The following EML6 variants were observed in gnomAD, a reference collection of about 807,000 sequenced individuals.
EML6 encodes the protein echinoderm microtubule-associated protein-like 6.
EML6 carries 154 observed loss-of-function variants against 240.1 expected under a neutral mutation model. The observed-to-expected ratio is 0.64, with a 90% CI of 0.56 to 0.73. The LOEUF is 0.73. Ranked by LOEUF, EML6 falls within the 30% of genes least tolerant of loss-of-function variation. EML6 has a pLI of 0.00. For missense variants in EML6, 2,964 were observed against 2,474.6 expected (o/e 1.20, Z -4.20); for synonymous variants, 1,148 against 899.0 (o/e 1.28, Z -4.95).
At chr2:54,801,375 C>G (rs1213208630) in intron 2 of EML6, among the ~76,000 whole-genome samples, 1 of 151,414 alleles carries the variant, frequency 6.6e-6, no homozygotes, top group Non-Finnish European at 1.5e-5. Flanking sequence ...TATGACGTGT[C>G]TGAGAATATG....
chr2:54,838,566 C>T (rs1669274898), intron 7 of EML6, among the ~76,000 whole-genome samples: 1 of 152,182 alleles, frequency 6.6e-6, no homozygotes, highest in South Asian at 2.1e-4. Context: ...ATTTGATATT[C>T]ACAGACTAGA....
At chr2:54,753,919 G>A (rs1004892952) in intron 2 of EML6, among the ~76,000 whole-genome samples, 9 of 151,750 alleles carry the variant, frequency 5.9e-5, no homozygotes, top group African/African-American at 1.2e-4. Context: ...GGTGGATCAC[G>A]AGGTCAGGAG....
intron 2 of EML6, among the ~76,000 whole-genome samples, chr2:54,783,421 C>T (rs1668940415): frequency 6.6e-6 from 1 of 152,140 alleles, no homozygotes; most frequent in African/African-American, 2.4e-5. Flanking sequence ...AAATTGTTTT[C>T]TGTAATACCA....
Position 54,724,809 on chromosome 2 carries a change from G to A in EML6, c.-253G>A, listed in dbSNP as rs1030264286. 6.2e-6 allele frequency: 1 copy of A among 160,476 alleles called. No individual in the cohort carries two copies. Among genetic ancestry groups the A allele is most frequent in the Non-Finnish European group, 1.3e-5 (1 of 74,548 alleles). The allele number at this position is 160,476 out of a possible 1,614,324, so 9.9% of individuals were successfully genotyped here. A position where few individuals can be genotyped will look rare whatever the true frequency, so the allele number is the denominator to read the frequency against. On this transcript the variant is annotated 5_prime_UTR_variant, in exon 2 of 42. Coordinates refer to ENST00000356458, the MANE Select transcript of EML6 (RefSeq NM_001039753.4). The surrounding 1 kb of genome is among the most constrained non-coding windows in gnomAD (Gnocchi z 5.2). ...GCGCGCCGGTGCCGGCGCCCCCAGAGCCGCCTTGCCCGGGTAGAGGGAGCC... is the reference window on the plus strand; with the variant it reads ...GCGCGCCGGTGCCGGCGCCCCCAGAACCGCCTTGCCCGGGTAGAGGGAGCC...
chr2:54,925,501 G>A (rs563532028), intron 26 of EML6, among the ~76,000 whole-genome samples: 4 of 152,200 alleles, frequency 2.6e-5, no homozygotes, highest in South Asian at 2.1e-4. Flanking sequence ...TCCGTTTGTT[G>A]GCTGCTAAAA....
In EML6 at chr2:54,971,898, ATGTT is replaced by A; in HGVS notation, c.*1804_*1807del. The A allele has an allele frequency of 6.6e-6, 1 of 152,250 alleles. No individual in the cohort carries two copies. Among genetic ancestry groups the A allele is most frequent in the Non-Finnish European group, 1.5e-5 (1 of 68,042 alleles). The allele number at this position is 152,250 out of a possible 1,614,324, so 9.4% of individuals were successfully genotyped here. On this transcript the variant is annotated 3_prime_UTR_variant, in exon 42 of 42. Coordinates refer to ENST00000356458, the MANE Select transcript of EML6 (RefSeq NM_001039753.4). ...ATATGGTATGATTTTGATTTTATGTATGTTCATAAATCCTGCACTGTATGATATA... is the reference window on the plus strand; with the variant it reads ...ATATGGTATGATTTTGATTTTATGTACATAAATCCTGCACTGTATGATATA...
chr2:54,780,151 A>G (rs1029427067), intron 2 of EML6, among the ~76,000 whole-genome samples: 1 of 152,186 alleles, frequency 6.6e-6, no homozygotes, highest in African/African-American at 2.4e-5. Context: ...GCATTTATTA[A>G]TAATCGTTTA....
chr2:54,891,950 C>A (rs1672490436), intron 18 of EML6, among the ~76,000 whole-genome samples: 2 of 152,118 alleles, frequency 1.3e-5, no homozygotes, highest in Non-Finnish European at 2.9e-5. Flanking sequence ...TTTTTTCTCA[C>A]CCCAAAATAG....
chr2:54,929,720 CCTCCTCCTGCTT>C (rs1395426574), intron 28 of EML6, among the ~76,000 whole-genome samples: 1 of 131,582 alleles, frequency 7.6e-6, no homozygotes, highest in Non-Finnish European at 1.7e-5. Context: ...TCCTCCTCCT[CCTCCTCCTGCTT>C]AAATTCAGTG....
chr2:54,907,895 ATAGAT>A (rs1285424478), intron 24 of EML6, among the ~76,000 whole-genome samples: 1 of 130,604 alleles, frequency 7.7e-6, no homozygotes, highest in African/African-American at 3.3e-5. Flanking sequence ...GATAGATTAG[ATAGAT>A]TAGATAGATA....
chr2:54,905,764 G>A (rs775669141), intron 24 of EML6, among the ~76,000 whole-genome samples: 2 of 152,066 alleles, frequency 1.3e-5, no homozygotes, highest in African/African-American at 2.4e-5. Context: ...TAGGTACCTC[G>A]TATAAGTGGA....
chr2:54,948,881 G>T lies in EML6; in HGVS notation c.4005-1G>T, dbSNP rs548917409. On this transcript the variant is annotated splice_acceptor_variant, in intron 28 of 41. Transcript: ENST00000356458. LOFTEE classifies it high-confidence loss of function. ...CTTCCTCTGGCCGCTCTCTCTTCCA[G>T]ACCACCCGTTAGCCGAGCAGCTCCC... is the stretch of plus-strand genomic sequence containing the variant. 2 of 1,551,196 alleles carry T rather than the reference G, an allele frequency of 1.3e-6. No individual in the cohort carries two copies. The highest frequency in any genetic ancestry group is 4.9e-5 in the East Asian group (2 of 40,912).
intron 2 of EML6, among the ~76,000 whole-genome samples, chr2:54,783,613 A>G (rs1668948333): frequency 6.6e-6 from 1 of 150,766 alleles, no homozygotes; most frequent in African/African-American, 2.5e-5. Context: ...AATTAGCTGT[A>G]GTTTATGCTG....
At chr2:54,878,676 G>A (rs981674825) in intron 16 of EML6, among the ~76,000 whole-genome samples, 12 of 152,130 alleles carry the variant, frequency 7.9e-5, no homozygotes, top group African/African-American at 2.7e-4. Context: ...GAAATGTAAA[G>A]CAGACAAGCG....
Position 54,928,505 on chromosome 2 carries a change from G to C in EML6, c.3868G>C (p.Glu1290Gln). The C allele has an allele frequency of 6.5e-7, 1 of 1,544,352 alleles. No homozygotes were observed. Among genetic ancestry groups the C allele is most frequent in the Non-Finnish European group, 8.8e-7 (1 of 1,142,220 alleles). The change falls in exon 27 of 42, where the codon GAG becomes CAG. Residue 1290 changes from glutamate to glutamine, a missense_variant. Physicochemically the swap from Glu to Gln is conservative, Grantham distance 29. Coordinates refer to ENST00000356458, the MANE Select transcript of EML6 (RefSeq NM_001039753.4). ...DSEESDTDVE[E>Q]DGGYDSDVAR... Reference sequence around the variant, plus strand: ...CGAGGAGTCAGACACCGACGTGGAAGAGGATGGAGGTGAGCCCCCCACCTG... The same window carrying C: ...CGAGGAGTCAGACACCGACGTGGAACAGGATGGAGGTGAGCCCCCCACCTG...
chr2:54,971,139 G>A lies in EML6; in HGVS notation c.*1044G>A, dbSNP rs147090494. On this transcript the variant is annotated 3_prime_UTR_variant, in exon 42 of 42. Coordinates refer to ENST00000356458, the MANE Select transcript of EML6 (RefSeq NM_001039753.4). ...GTGACTTCATTTGATTGCTTCAGGC[G>A]AACTATATAGGTCAAGTCCAGATTA... The A allele has an allele frequency of 3.9e-5, 6 of 152,246 alleles. No individual in the cohort carries two copies. The highest frequency in any genetic ancestry group is 2.1e-4 in the South Asian group (1 of 4,826). 9.4% of individuals were successfully genotyped at this position (152,246 alleles called of 1,614,324 possible). A position where few individuals can be genotyped will look rare whatever the true frequency, so the allele number is the denominator to read the frequency against.
chr2:54,847,188 G>A (rs1341715338), intron 8 of EML6, among the ~76,000 whole-genome samples: 4 of 152,110 alleles, frequency 2.6e-5, no homozygotes, highest in Non-Finnish European at 2.9e-5. Context: ...GATGACAGGC[G>A]TTGAGCCATC....
At chr2:54,969,731 CA>C (rs1271183659) in intron 41 of EML6, among the ~76,000 whole-genome samples, 2 of 152,200 alleles carry the variant, frequency 1.3e-5, no homozygotes, top group Non-Finnish European at 2.9e-5. Flanking sequence ...GCTAAACACT[CA>C]AAAGGGCTCT....
intron 35 of EML6, among the ~76,000 whole-genome samples, chr2:54,960,624 G>C (rs1389133311): frequency 6.6e-6 from 1 of 152,078 alleles, no homozygotes; most frequent in Non-Finnish European, 1.5e-5. Context: ...CATCTTACCT[G>C]GCATATAGTC....
Sources: gnomAD v4.1 joint callset for allele counts (sites outside exome capture counted in the v4.1 genomes callset) on GRCh38, gnomAD v4.1.1 for gene constraint, Gnocchi (gnomAD v3.1) non-coding constraint, MANE v1.5 for transcripts, NCBI Gene and HGNC (gene_info 2026-07-23, HGNC 2026-07-21) for gene names.